MC2R: variants seen among roughly 807,000 people sequenced by gnomAD.
MC2R encodes adrenocorticotropic hormone receptor.
A neutral mutation model predicts 9.8 loss-of-function variants in MC2R; 9 were observed. The observed-to-expected ratio is 0.92, with a 90% CI of 0.55 to 1.60. The LOEUF is 1.60. Among genes scored for constraint, MC2R ranks in the 40% most tolerant of loss-of-function variants. The pLI, the probability that MC2R is intolerant of heterozygous loss-of-function variation, is 0.00. For missense variants in MC2R, 370 were observed against 389.0 expected, an observed-to-expected ratio of 0.95 and a Z score of 0.41; for synonymous variants, 185 against 154.7, an observed-to-expected ratio of 1.20 and a Z score of -1.45.
chr18:13,902,780 G>A (rs1415268322), intron 1 of MC2R, among the ~76,000 whole-genome samples: 1 of 151,988 alleles, frequency 6.6e-6, no homozygotes, highest in Admixed American at 6.6e-5. Flanking sequence ...CATTGGTCTG[G>A]GCAAAAATTT....
intron 1 of MC2R, among the ~76,000 whole-genome samples, chr18:13,890,523 G>A (rs1038021628): frequency 1.3e-5 from 2 of 152,108 alleles, no homozygotes; most frequent in African/African-American, 2.4e-5. Context: ...GCTGTCACGC[G>A]GCTGGGGCTG....
intron 1 of MC2R, among the ~76,000 whole-genome samples, chr18:13,910,918 C>T (rs1326655263): frequency 1.3e-5 from 2 of 152,208 alleles, no homozygotes; most frequent in African/African-American, 2.4e-5. Flanking sequence ...CAGTCACCAC[C>T]CCATCATGGG....
chr18:13,913,139 A>G (rs1190135244), intron 1 of MC2R, among the ~76,000 whole-genome samples: 1 of 151,862 alleles, frequency 6.6e-6, no homozygotes, highest in Non-Finnish European at 1.5e-5. Flanking sequence ...CGAGAATGGA[A>G]GCTTTTGCAG....
At chr18:13,905,671 T>C (rs2045409745) in intron 1 of MC2R, among the ~76,000 whole-genome samples, 1 of 152,180 alleles carries the variant, frequency 6.6e-6, no homozygotes, top group Non-Finnish European at 1.5e-5. Flanking sequence ...GTTCAACCAT[T>C]GTGAAAGACA....
Position 13,884,868 on chromosome 18 carries a change from C to G in MC2R, c.651G>C (p.Gly217=). The G allele has an allele frequency of 6.2e-7, 1 of 1,614,018 alleles. No individual in the cohort carries two copies. The change falls in exon 2 of 2, where the codon GGG becomes GGC. Residue 217 remains glycine (G), a synonymous_variant. Coordinates refer to ENST00000327606, the MANE Select transcript of MC2R (RefSeq NM_000529.2). ...CGAGCAGGATGGTCAGTGTGATGGC[C>G]CCTTTCATGTTGGCTCTGGGGAGGG... ...ISTLPRANMK[G]AITLTILLGV... is the part of the protein sequence containing the mutation.
chr18:13,886,990 T>C (rs2045280428), intron 1 of MC2R, among the ~76,000 whole-genome samples: 3 of 152,244 alleles, frequency 2.0e-5, no homozygotes, highest in African/African-American at 7.2e-5. Flanking sequence ...GTGAGGGTTC[T>C]GCCTGGAATG....
chr18:13,913,787 C>T (rs1003525281), intron 1 of MC2R, among the ~76,000 whole-genome samples: 4 of 152,158 alleles, frequency 2.6e-5, no homozygotes, highest in Non-Finnish European at 5.9e-5. Context: ...GATTGCTGCC[C>T]GTCTATGCAC....
intron 1 of MC2R, among the ~76,000 whole-genome samples, chr18:13,888,861 T>C (rs115847559): frequency 0.014 from 2,197 of 152,294 alleles, 47 homozygotes; most frequent in African/African-American, 0.049. Flanking sequence ...TTCAACAATG[T>C]CTTTGGCTTA....
At chr18:13,913,689 C>A (rs569051861) in intron 1 of MC2R, among the ~76,000 whole-genome samples, 1 of 152,214 alleles carries the variant, frequency 6.6e-6, no homozygotes, top group African/African-American at 2.4e-5. Context: ...GGCCTGGACA[C>A]GTCCTTCCTC....
chr18:13,915,131 G>C (rs895701844), intron 1 of MC2R, among the ~76,000 whole-genome samples: 2 of 152,116 alleles, frequency 1.3e-5, no homozygotes, highest in Non-Finnish European at 2.9e-5. Flanking sequence ...AGGTGAAGGG[G>C]CTAACTCCAG....
intron 1 of MC2R, among the ~76,000 whole-genome samples, chr18:13,915,184 T>C (rs1222998327): frequency 6.6e-6 from 1 of 152,142 alleles, no homozygotes; most frequent in Non-Finnish European, 1.5e-5. Context: ...CTAATTCTAT[T>C]AGGAAAAAAC....
intron 1 of MC2R, among the ~76,000 whole-genome samples, chr18:13,898,439 T>TG (rs1480987911): frequency 6.6e-6 from 1 of 152,224 alleles, no homozygotes; most frequent in Non-Finnish European, 1.5e-5. Context: ...AACCAGGACC[T>TG]GGGGGAACTT....
chr18:13,915,443 C>T (rs4519394), intron 1 of MC2R, 45 bp downstream of exon 1: 1 of 152,494 alleles, frequency 6.6e-6, no homozygotes. Context: ...ATTCATGGTC[C>T]AAAAGCACTT....
At chr18:13,907,651 A>C (rs1462619345) in intron 1 of MC2R, among the ~76,000 whole-genome samples, 1 of 152,338 alleles carries the variant, frequency 6.6e-6, no homozygotes, top group Admixed American at 6.5e-5. Flanking sequence ...ACCAGATTAC[A>C]TAAGGAGCTC....
rs755898062 is a variant in MC2R at position 13,884,899 on chromosome 18, A to T, written c.620T>A (p.Ile207Asn). ...CATGTTGGCTCTGGGGAGGGTGGAG[A>T]TCTTCCTGGTGTGGGATCGAGCCAG... ...FLLARSHTRK[I>N]STLPRANMKG... Residue 207 changes from isoleucine (I) to asparagine (N), a missense_variant, in exon 2 of 2, where the codon ATC becomes AAC. Ile to Asn is a moderately radical substitution (Grantham distance 149, BLOSUM62 -3). Coordinates refer to ENST00000327606, the MANE Select transcript of MC2R (RefSeq NM_000529.2). 1.9e-5 allele frequency: 31 copies of T among 1,613,942 alleles called. No homozygotes were observed. Among genetic ancestry groups the T allele is most frequent in the Non-Finnish European group, 2.5e-5 (29 of 1,180,030 alleles).
chr18:13,909,352 C>T (rs1347255255), intron 1 of MC2R, among the ~76,000 whole-genome samples: 3 of 152,202 alleles, frequency 2.0e-5, no homozygotes, highest in Non-Finnish European at 4.4e-5. Flanking sequence ...ACCATGGTCA[C>T]CTGGCTGAGT....
chr18:13,896,674 A>G (rs2045347743), intron 1 of MC2R, among the ~76,000 whole-genome samples: 1 of 152,206 alleles, frequency 6.6e-6, no homozygotes, highest in African/African-American at 2.4e-5. Flanking sequence ...ATGTGTTATC[A>G]CTAAATATCT....
chr18:13,898,840 TAAGGCTTAGATCAC>T (rs1229193764), intron 1 of MC2R, among the ~76,000 whole-genome samples: 1 of 152,152 alleles, frequency 6.6e-6, no homozygotes, highest in East Asian at 1.9e-4. Context: ...CTAAAGCAGG[TAAGGCTTAGATCAC>T]AACTCCCAAG....
At position 13,909,654 on chromosome 18, in the gene MC2R, T is replaced by C. The variant is rs1056831119; in HGVS notation, c.-129+5834A>G. Among the ~76,000 whole-genome samples, 12 of 152,354 alleles carry C rather than the reference T, an allele frequency of 7.9e-5. 1 individual carries two copies. The highest frequency in any genetic ancestry group is 6.8e-3 in the Middle Eastern group (2 of 294). Reference sequence around the variant, plus strand: ...TAATCCAATGCTATTTGATTTGTTTTATTGCTTAAATTGTTCCAACTTTGG... The same window carrying C: ...TAATCCAATGCTATTTGATTTGTTTCATTGCTTAAATTGTTCCAACTTTGG... On this transcript the variant is annotated intron_variant, in intron 1 of 1. Coordinates refer to ENST00000327606, the MANE Select transcript of MC2R (RefSeq NM_000529.2).
Sources: gnomAD v4.1 joint callset for allele counts (sites outside exome capture counted in the v4.1 genomes callset) on GRCh38, gnomAD v4.1.1 for gene constraint, MANE v1.5 for transcripts, NCBI Gene and HGNC (gene_info 2026-07-23, HGNC 2026-07-21) for gene names.